Variants in IGF1R observed in about 807,000 individuals in gnomAD.
The protein encoded by IGF1R is insulin-like growth factor 1 receptor.
In IGF1R, 44 loss-of-function variants were observed where a neutral mutation model predicts 144.6. The observed-to-expected ratio is 0.30, with a 90% CI of 0.24 to 0.39. IGF1R has a LOEUF of 0.39. Ranked by LOEUF, IGF1R falls within the 10% of genes least tolerant of loss-of-function variation. The pLI is 1.00. For synonymous variants in IGF1R, 795 were observed against 722.8 expected, an observed-to-expected ratio of 1.10 and a Z score of -1.60; for missense variants, 1,355 against 1,833.7, an observed-to-expected ratio of 0.74 and a Z score of 4.77.
intron 2 of IGF1R, among the ~76,000 whole-genome samples, chr15:98,753,962 C>T (rs188396613): frequency 2.0e-4 from 30 of 152,296 alleles, no homozygotes; most frequent in Admixed American, 1.9e-3. Context: ...GACAGATCTG[C>T]TTCTTGATAC....
rs994388579 is a variant in IGF1R, at chr15:98,704,397, G to A, written c.95-3165G>A. 6.6e-5 allele frequency among the ~76,000 whole-genome samples: 10 copies of A among 152,080 alleles called. No individual in the cohort carries two copies. The East Asian group carries it at 1.4e-3, about 21-fold the overall frequency. On this transcript the variant is annotated intron_variant, in intron 1 of 20. Transcript: ENST00000650285. The surrounding 1 kb of genome is among the most constrained non-coding windows in gnomAD (Gnocchi z 4.9). ...CTGAAGGAGCAGAAGCACTGTGGGC[G>A]GCAGGGTATCACAGAGGAGGAGCTC...
At chr15:98,906,959 A>G (rs1057085338) in intron 5 of IGF1R, among the ~76,000 whole-genome samples, 4 of 152,222 alleles carry the variant, frequency 2.6e-5, no homozygotes, top group African/African-American at 9.6e-5. Flanking sequence ...TGCTCAGGAA[A>G]GGGTTGGGCT....
At chr15:98,784,530 C>G (rs2055941863) in intron 2 of IGF1R, 1 of 153,920 alleles carries the variant, frequency 6.5e-6, no homozygotes, top group Admixed American at 6.5e-5. Context: ...GCAATTTAGT[C>G]TAGGTTAAGT....
chr15:98,715,856 G>A (rs2054101599), intron 2 of IGF1R, among the ~76,000 whole-genome samples: 2 of 152,184 alleles, frequency 1.3e-5, no homozygotes, highest in South Asian at 4.1e-4. Context: ...GAGGCTGGTG[G>A]GTGGGAGATG....
chr15:98,854,309 A>G (rs1027267388), intron 2 of IGF1R, among the ~76,000 whole-genome samples: 7 of 152,208 alleles, frequency 4.6e-5, no homozygotes, highest in African/African-American at 1.7e-4. Context: ...CATCTGGGCC[A>G]GGTGCTTTCG....
chr15:98,868,412 G>A (rs1048674233), intron 2 of IGF1R, among the ~76,000 whole-genome samples: 3 of 148,266 alleles, frequency 2.0e-5, no homozygotes, highest in South Asian at 2.1e-4. Flanking sequence ...GATCTTTAAG[G>A]CATGGAAATG....
intron 2 of IGF1R, among the ~76,000 whole-genome samples, chr15:98,852,119 A>G (rs1367584482): frequency 6.6e-6 from 1 of 152,230 alleles, no homozygotes; most frequent in African/African-American, 2.4e-5. Flanking sequence ...ACCTAAGACG[A>G]AGAAGAGGAG....
chr15:98,800,999 T>A (rs2056351067), intron 2 of IGF1R, among the ~76,000 whole-genome samples: 2 of 152,230 alleles, frequency 1.3e-5, no homozygotes, highest in Non-Finnish European at 2.9e-5. Context: ...ACGAAGCATG[T>A]GTGTGCATTC....
intron 4 of IGF1R, chr15:98,897,617 C>T (rs1212834428): frequency 2.0e-5 from 3 of 152,818 alleles, no homozygotes; most frequent in African/African-American, 7.2e-5. Context: ...CACTGTATCA[C>T]CCAGGCTGGA....
At chr15:98,701,031 T>C (rs886065761) in intron 1 of IGF1R, among the ~76,000 whole-genome samples, 38 of 152,178 alleles carry the variant, frequency 2.5e-4, no homozygotes, top group African/African-American at 8.9e-4. Context: ...ATTTTGACTT[T>C]CACAGAGTGA....
chr15:98,813,251 C>G (rs1439570908), intron 2 of IGF1R, among the ~76,000 whole-genome samples: 3 of 152,132 alleles, frequency 2.0e-5, no homozygotes, highest in Non-Finnish European at 1.5e-5. Context: ...TGCAAAATAA[C>G]CAATCCAAAG....
chr15:98,840,633 G>A (rs911094855), intron 2 of IGF1R, among the ~76,000 whole-genome samples: 1 of 151,802 alleles, frequency 6.6e-6, no homozygotes, highest in Admixed American at 6.6e-5. Context: ...TATAGAGATG[G>A]GGTCTCATTT....
intron 2 of IGF1R, among the ~76,000 whole-genome samples, chr15:98,708,372 T>A (rs1020508741): frequency 4.6e-5 from 7 of 152,176 alleles, no homozygotes; most frequent in African/African-American, 1.7e-4. Context: ...AAATCACATG[T>A]TAGAAATAAT....
chr15:98,700,281 T>C (rs45497099), intron 1 of IGF1R, among the ~76,000 whole-genome samples: 2,204 of 152,200 alleles, frequency 0.014, 45 homozygotes, highest in African/African-American at 0.051. Flanking sequence ...TTCTTCTGCT[T>C]TGCTTTGTTT....
Position 98,891,625 on chromosome 15 carries a change from A to G in IGF1R, c.941A>G (p.Asn314Ser). ...GAGTGCCCCTCGGGCTTCATCCGCA[A>G]CGGCAGCCAGAGGTCAGTCGCGGCC... is the stretch of plus-strand genomic sequence containing the variant. Reference protein sequence around the residue: ...MQECPSGFIRNGSQSMYCIPC... With the variant: ...MQECPSGFIRSGSQSMYCIPC... Residue 314 changes from asparagine (N) to serine (S), a missense_variant, in exon 3 of 21, where the codon AAC (asparagine) becomes AGC (serine). Transcript: ENST00000650285. This position sits in a 1 kb window ranked among gnomAD's most constrained non-coding sequence, Gnocchi z 4.7. 4 of 1,601,020 alleles carry G rather than the reference A, an allele frequency of 2.5e-6. No homozygotes were observed. The highest frequency in any genetic ancestry group is 3.4e-6 in the Non-Finnish European group (4 of 1,179,928).
chr15:98,694,931 G>A (rs935463299), intron 1 of IGF1R, among the ~76,000 whole-genome samples: 2 of 152,196 alleles, frequency 1.3e-5, no homozygotes, highest in African/African-American at 4.8e-5. Context: ...TAGAAACAGG[G>A]TGTGATGAGT....
In IGF1R at chr15:98,649,453, T is replaced by C. The variant is rs918611348; in HGVS notation, c.-129T>C. 8 of 674,180 alleles carry C rather than the reference T, an allele frequency of 1.2e-5. No individual in the cohort carries two copies. The highest frequency in any genetic ancestry group is 1.9e-5 in the African/African-American group (1 of 52,798). The allele number at this position is 674,180 out of a possible 1,614,324, so 41.8% of individuals were successfully genotyped here. A position where few individuals can be genotyped will look rare whatever the true frequency, so the allele number is the denominator to read the frequency against. On this transcript the variant is annotated 5_prime_UTR_variant, in exon 1 of 21. Transcript: ENST00000650285. ...CTTCGGAGTATTGTTTCCTTCGCCCTTGTTTTTGGAGGGGGAGCGAAGACT... is the reference window on the plus strand; with the variant it reads ...CTTCGGAGTATTGTTTCCTTCGCCCCTGTTTTTGGAGGGGGAGCGAAGACT...
chr15:98,951,369 C>G (rs2016767149), intron 20 of IGF1R, among the ~76,000 whole-genome samples: 1 of 152,238 alleles, frequency 6.6e-6, no homozygotes, highest in Non-Finnish European at 1.5e-5. Context: ...CTCCACAATC[C>G]AAACTTGGAA....
chr15:98,808,490 A>G (rs1488359156), intron 2 of IGF1R, among the ~76,000 whole-genome samples: 2 of 152,178 alleles, frequency 1.3e-5, no homozygotes, highest in Non-Finnish European at 2.9e-5. Flanking sequence ...CACCAGTGGC[A>G]TATAGGGGCT....
Sources: gnomAD v4.1 joint callset for allele counts (sites outside exome capture counted in the v4.1 genomes callset) on GRCh38, gnomAD v4.1.1 for gene constraint, Gnocchi (gnomAD v3.1) non-coding constraint, MANE v1.5 for transcripts, NCBI Gene and HGNC (gene_info 2026-07-23, HGNC 2026-07-21) for gene names.